The following SNTB1 variants were observed in gnomAD, a reference collection of about 807,000 sequenced individuals.
The protein encoded by SNTB1 is beta-1-syntrophin.
SNTB1 carries 36 observed loss-of-function variants against 48.9 expected under a neutral mutation model. The observed-to-expected ratio is 0.74, with a 90% CI of 0.56 to 0.97. The LOEUF (loss-of-function observed/expected upper bound fraction) is 0.97. Among genes scored for constraint, SNTB1 ranks in the 50% least tolerant of loss-of-function variants. The probability of loss-of-function intolerance (pLI) is 0.00; values close to 1 mark genes in which losing one functional copy is unlikely to be tolerated. For missense variants in SNTB1, 786 were observed against 703.4 expected (o/e 1.12, Z -1.33); for synonymous variants, 299 against 294.6 (o/e 1.01, Z -0.15).
rs146075068 is a variant in SNTB1, at chr8:120,704,186, C to T, written c.572-10278G>A. Among the ~76,000 whole-genome samples, 962 of 152,296 alleles carry T rather than the reference C, an allele frequency of 6.3e-3. 13 individuals carry two copies. Among genetic ancestry groups the T allele is most frequent in the African/African-American group, 0.022 (910 of 41,550 alleles). Reference sequence around the variant, plus strand: ...CATCTTTTGGCTGAGCATGGTGGCTCACACCTGTAATTCCTGAACTTTGGG... The same window carrying T: ...CATCTTTTGGCTGAGCATGGTGGCTTACACCTGTAATTCCTGAACTTTGGG... On this transcript the variant is annotated intron_variant, in intron 1 of 6. Coordinates refer to ENST00000517992, the MANE Select transcript of SNTB1 (RefSeq NM_021021.4).
intron 1 of SNTB1, among the ~76,000 whole-genome samples, chr8:120,808,242 T>C (rs570781547): frequency 6.6e-6 from 1 of 152,300 alleles, no homozygotes; most frequent in African/African-American, 2.4e-5. Flanking sequence ...AAACTTAATG[T>C]CTGTAAGCTT....
At chr8:120,651,855 C>T (rs775766449) in intron 2 of SNTB1, among the ~76,000 whole-genome samples, 19 of 151,634 alleles carry the variant, frequency 1.3e-4, no homozygotes, top group Non-Finnish European at 1.9e-4. Flanking sequence ...CAGAGTGGAG[C>T]GAAAAAAGAG....
chr8:120,654,266 G>A (rs1379873644), intron 2 of SNTB1, among the ~76,000 whole-genome samples: 1 of 151,904 alleles, frequency 6.6e-6, no homozygotes, highest in Non-Finnish European at 1.5e-5. Flanking sequence ...CTTGCTGGCT[G>A]ATGAGCCCTA....
intron 1 of SNTB1, among the ~76,000 whole-genome samples, chr8:120,708,359 A>G (rs1396532049): frequency 2.6e-5 from 4 of 152,024 alleles, no homozygotes; most frequent in Non-Finnish European, 5.9e-5. Flanking sequence ...AGAGCTTATT[A>G]GTGAATTCTA....
At chr8:120,788,469 A>T (rs1346084165) in intron 1 of SNTB1, among the ~76,000 whole-genome samples, 2 of 152,126 alleles carry the variant, frequency 1.3e-5, no homozygotes, top group African/African-American at 4.8e-5. Flanking sequence ...ATCATAAACC[A>T]AATATCTGCT....
At chr8:120,671,783 C>T (rs912853773) in intron 2 of SNTB1, among the ~76,000 whole-genome samples, 4 of 152,200 alleles carry the variant, frequency 2.6e-5, no homozygotes, top group East Asian at 1.9e-4. Context: ...CTTAAATTGA[C>T]ATTTTAACAT....
At chr8:120,757,214 A>G (rs767434578) in intron 1 of SNTB1, among the ~76,000 whole-genome samples, 1 of 145,856 alleles carries the variant, frequency 6.9e-6, no homozygotes, top group Non-Finnish European at 1.5e-5. Flanking sequence ...AAACAGATCT[A>G]TCGGGTTTCC....
At chr8:120,580,048 C>G (rs1816018642) in intron 3 of SNTB1, among the ~76,000 whole-genome samples, 2 of 152,168 alleles carry the variant, frequency 1.3e-5, no homozygotes. Context: ...TTGCTAGCAC[C>G]TCCTCAACTT....
intron 1 of SNTB1, among the ~76,000 whole-genome samples, chr8:120,721,659 A>C (rs1818660104): frequency 6.6e-6 from 1 of 152,224 alleles, no homozygotes; most frequent in South Asian, 2.1e-4. Flanking sequence ...TTGATGTTTT[A>C]TATAGGTTTC....
At chr8:120,652,665 T>C (rs1817427738) in intron 2 of SNTB1, among the ~76,000 whole-genome samples, 2 of 152,112 alleles carry the variant, frequency 1.3e-5, no homozygotes, top group Admixed American at 1.3e-4. Context: ...ATTGAGATGG[T>C]TGTGGTAATG....
chr8:120,549,634 C>T (rs1411237260), intron 4 of SNTB1, among the ~76,000 whole-genome samples: 3 of 152,184 alleles, frequency 2.0e-5, no homozygotes, highest in Non-Finnish European at 4.4e-5. Flanking sequence ...TAAAATGTGA[C>T]TTCCATAGTA....
chr8:120,582,551 T>TGA (rs1471255485), intron 3 of SNTB1, among the ~76,000 whole-genome samples: 2 of 151,308 alleles, frequency 1.3e-5, no homozygotes, highest in African/African-American at 4.9e-5. Flanking sequence ...ACCATGAAAA[T>TGA]GAGAGAGAAG....
chr8:120,650,314 C>T (rs371867973), intron 2 of SNTB1, among the ~76,000 whole-genome samples: 21 of 152,220 alleles, frequency 1.4e-4, no homozygotes, highest in South Asian at 6.2e-4. Context: ...ACTGACAACA[C>T]GTGAGAGCAG....
chr8:120,638,190 C>G (rs1312564900), intron 2 of SNTB1: 4 of 152,090 alleles, frequency 2.6e-5, no homozygotes, highest in Non-Finnish European at 5.9e-5. Context: ...ACCAGACATC[C>G]CTTTTATCAA....
At chr8:120,611,926 G>A (rs1816632399) in intron 3 of SNTB1, among the ~76,000 whole-genome samples, 1 of 151,482 alleles carries the variant, frequency 6.6e-6, no homozygotes, top group African/African-American at 2.4e-5. Context: ...GTGTATAGGT[G>A]AGGTTGGTTC....
At chr8:120,677,289 T>C (rs1009077332) in intron 2 of SNTB1, among the ~76,000 whole-genome samples, 2 of 152,208 alleles carry the variant, frequency 1.3e-5, no homozygotes, top group Non-Finnish European at 1.5e-5. Context: ...TTTATTGGAA[T>C]ATTTCTATAA....
rs1008216252 is a variant in SNTB1 at position 120,663,251 on chromosome 8, A to T, written c.788+30441T>A. On this transcript the variant is annotated intron_variant, in intron 2 of 6. Coordinates refer to ENST00000517992, the MANE Select transcript of SNTB1 (RefSeq NM_021021.4). ...TACATGTATAATGACTAGAACAGTG[A>T]TGACCCTAAAGCTTACTTTTGAATG... Among the ~76,000 whole-genome samples, 4 of 152,200 alleles carry T rather than the reference A, an allele frequency of 2.6e-5. No homozygotes were observed. The South Asian group carries it at 8.3e-4, about 31-fold the overall frequency.
At chr8:120,658,910 T>C (rs1817539232) in intron 2 of SNTB1, among the ~76,000 whole-genome samples, 1 of 152,180 alleles carries the variant, frequency 6.6e-6, no homozygotes, top group South Asian at 2.1e-4. Flanking sequence ...AAAATTGGAG[T>C]CAATCCTCTC....
chr8:120,649,393 C>A (rs1817363359), intron 2 of SNTB1, among the ~76,000 whole-genome samples: 1 of 133,832 alleles, frequency 7.5e-6, no homozygotes, highest in Non-Finnish European at 1.6e-5. Flanking sequence ...ACAGACAGGA[C>A]CCTCAGCTGC....
Sources: gnomAD v4.1 joint callset for allele counts (sites outside exome capture counted in the v4.1 genomes callset) on GRCh38, gnomAD v4.1.1 for gene constraint, MANE v1.5 for transcripts, NCBI Gene and HGNC (gene_info 2026-07-23, HGNC 2026-07-21) for gene names.